Variants in CDK14 observed in about 807,000 individuals in gnomAD.
CDK14 encodes the protein cyclin dependent kinase 14, also known as cyclin-dependent kinase 14.
A neutral mutation model predicts 60.7 loss-of-function variants in CDK14; 34 were observed. The ratio of observed to expected loss-of-function variants is 0.56; its 90% CI spans 0.43 to 0.75. The LOEUF (loss-of-function observed/expected upper bound fraction) is 0.75, where lower values mean the gene tolerates loss of function less well. CDK14 is among the 30% of genes least tolerant of loss of function. CDK14 has a pLI of 0.00. For synonymous variants in CDK14, 197 were observed against 203.7 expected, an observed-to-expected ratio of 0.97 and a Z score of 0.28; for missense variants, 482 against 564.1, an observed-to-expected ratio of 0.85 and a Z score of 1.47.
chr7:90,720,622 G>A (rs1413303535), intron 2 of CDK14, among the ~76,000 whole-genome samples: 1 of 152,018 alleles, frequency 6.6e-6, no homozygotes, highest in Admixed American at 6.6e-5. Context: ...TTTAAACAAA[G>A]AAGACATATG....
At chr7:90,986,089 T>C (rs150521863) in intron 10 of CDK14, among the ~76,000 whole-genome samples, 78 of 152,180 alleles carry the variant, frequency 5.1e-4, no homozygotes, top group African/African-American at 1.6e-3. Context: ...TCATATCTTG[T>C]ATATTCTTTT....
Position 90,634,128 on chromosome 7 carries a change from T to C in CDK14, c.123+29879T>C, listed in dbSNP as rs553610190. ...TTGAGTCTTTTTGTTTCTTTTATGATTTTCTTTTTTTTAATTATTATTATA... is the reference window on the plus strand; with the variant it reads ...TTGAGTCTTTTTGTTTCTTTTATGACTTTCTTTTTTTTAATTATTATTATA... On this transcript the variant is annotated intron_variant, in intron 2 of 14. Transcript: ENST00000380050. Among the ~76,000 whole-genome samples, 227 of 152,088 alleles carry C rather than the reference T, an allele frequency of 1.5e-3. 1 individual carries two copies. Among genetic ancestry groups the C allele is most frequent in the African/African-American group, 5.1e-3 (213 of 41,506 alleles).
intron 9 of CDK14, among the ~76,000 whole-genome samples, chr7:90,980,874 CAT>C (rs1467048538): frequency 6.6e-6 from 1 of 152,124 alleles, no homozygotes; most frequent in East Asian, 1.9e-4. Context: ...TTCTAAGTAA[CAT>C]ATTATGGAGA....
intron 7 of CDK14, among the ~76,000 whole-genome samples, chr7:90,906,181 T>C (rs1337802801): frequency 1.3e-5 from 2 of 152,160 alleles, no homozygotes; most frequent in African/African-American, 2.4e-5. Flanking sequence ...ATAAAAATAA[T>C]ATTTACTAAG....
chr7:90,963,046 A>C (rs1794647087), intron 9 of CDK14, among the ~76,000 whole-genome samples: 1 of 151,078 alleles, frequency 6.6e-6, no homozygotes, highest in South Asian at 2.1e-4. Flanking sequence ...TGTCTTGAGA[A>C]TCAAAAATAA....
intron 14 of CDK14, among the ~76,000 whole-genome samples, chr7:91,174,007 C>T (rs1385680521): frequency 1.3e-5 from 2 of 152,178 alleles, no homozygotes; most frequent in African/African-American, 4.8e-5. Flanking sequence ...GGGGGCAGGG[C>T]ACAGACAAAC....
At chr7:90,688,590 G>A (rs763889425) in intron 2 of CDK14, among the ~76,000 whole-genome samples, 3 of 152,102 alleles carry the variant, frequency 2.0e-5, no homozygotes, top group East Asian at 1.9e-4. Context: ...ACAGTAAGAG[G>A]TATTAACAAA....
intron 3 of CDK14, among the ~76,000 whole-genome samples, chr7:90,743,029 T>A (rs1190863815): frequency 6.6e-6 from 1 of 152,140 alleles, no homozygotes; most frequent in Non-Finnish European, 1.5e-5. Flanking sequence ...AATGTAATTT[T>A]ATACAATATT....
intron 4 of CDK14, among the ~76,000 whole-genome samples, chr7:90,757,511 C>T (rs1181052110): frequency 1.3e-5 from 2 of 151,954 alleles, no homozygotes; most frequent in African/African-American, 2.4e-5. Context: ...GCCTGTAATA[C>T]GTGTCATTCA....
chr7:90,781,236 G>A (rs1805305280), intron 4 of CDK14, among the ~76,000 whole-genome samples: 1 of 152,228 alleles, frequency 6.6e-6, no homozygotes, highest in Non-Finnish European at 1.5e-5. Context: ...GTCTGTTCAT[G>A]TCCTTCGCCC....
At chr7:91,095,563 A>T (rs1386813890) in intron 12 of CDK14, among the ~76,000 whole-genome samples, 3 of 152,206 alleles carry the variant, frequency 2.0e-5, no homozygotes, top group East Asian at 1.9e-4. Flanking sequence ...TAAAATTTTT[A>T]AAAAGACTTG....
intron 14 of CDK14, among the ~76,000 whole-genome samples, chr7:91,133,716 G>T (rs1033529852): frequency 1.3e-5 from 2 of 152,058 alleles, no homozygotes; most frequent in Non-Finnish European, 2.9e-5. Context: ...GTATAATTAA[G>T]AAAGTTAGTT....
At chr7:91,095,442 G>A (rs1200350078) in intron 12 of CDK14, among the ~76,000 whole-genome samples, 1 of 152,190 alleles carries the variant, frequency 6.6e-6, no homozygotes, top group Admixed American at 6.5e-5. Context: ...GGAAACCTGA[G>A]GAATTATGTT....
chr7:90,608,646 A>G lies in CDK14; in HGVS notation c.123+4397A>G, dbSNP rs183735807. On this transcript the variant is annotated intron_variant, in intron 2 of 14. Transcript: ENST00000380050. The stretch of plus-strand genomic sequence containing the variant: ...GCAAAGAATTTCATATGTTTATGGC[A>G]TATAATCCAGATAATTAAGCACTTA... 1.9e-5 allele frequency: 10 copies of G among 537,472 alleles called. No individual in the cohort carries two copies. The East Asian group carries it at 8.6e-4, about 46-fold the overall frequency. 33.3% of individuals were successfully genotyped at this position (537,472 alleles called of 1,614,324 possible).
intron 6 of CDK14, among the ~76,000 whole-genome samples, chr7:90,868,570 G>A (rs1791264835): frequency 6.6e-6 from 1 of 151,752 alleles, no homozygotes; most frequent in Non-Finnish European, 1.5e-5. Flanking sequence ...ATAAACTAGT[G>A]AAATAGCCTA....
chr7:90,612,832 T>C (rs964428922), intron 2 of CDK14, among the ~76,000 whole-genome samples: 1 of 151,670 alleles, frequency 6.6e-6, no homozygotes, highest in African/African-American at 2.4e-5. Flanking sequence ...ATTTTCACTG[T>C]GGTCATATCT....
chr7:91,111,525 G>A (rs1341550380), intron 12 of CDK14, among the ~76,000 whole-genome samples: 1 of 152,118 alleles, frequency 6.6e-6, no homozygotes, highest in Non-Finnish European at 1.5e-5. Context: ...AAGAGAGCAT[G>A]GCATATGCAA....
chr7:90,640,402 A>C (rs1052777132), intron 2 of CDK14, among the ~76,000 whole-genome samples: 3 of 152,180 alleles, frequency 2.0e-5, no homozygotes, highest in Admixed American at 6.5e-5. Flanking sequence ...CCATTTAAAA[A>C]TTTTAAAGTA....
At chr7:91,091,507 A>ATATATATATATATATATATATG (rs1345059804) in intron 12 of CDK14, among the ~76,000 whole-genome samples, 4 of 137,458 alleles carry the variant, frequency 2.9e-5, no homozygotes, top group Admixed American at 7.4e-5. Context: ...TATTTTATAT[A>ATATATATATATATATATATATG]TATATATATA....
Sources: gnomAD v4.1 joint callset for allele counts (sites outside exome capture counted in the v4.1 genomes callset) on GRCh38, gnomAD v4.1.1 for gene constraint, MANE v1.5 for transcripts, NCBI Gene and HGNC (gene_info 2026-07-23, HGNC 2026-07-21) for gene names.